CAST: variants seen among roughly 807,000 people sequenced by gnomAD.
CAST encodes MIR583 host.
A neutral mutation model predicts 119.6 loss-of-function variants in CAST; 76 were observed. The observed-to-expected ratio is 0.64, with a 90% CI of 0.53 to 0.77. The LOEUF (loss-of-function observed/expected upper bound fraction) is 0.77. CAST is among the 30% of genes least tolerant of loss of function. The probability of loss-of-function intolerance (pLI) is 0.00; values close to 1 mark genes in which losing one functional copy is unlikely to be tolerated. For missense variants in CAST, 953 were observed against 946.5 expected, an observed-to-expected ratio of 1.01 and a Z score of -0.09; for synonymous variants, 319 against 331.6, an observed-to-expected ratio of 0.96 and a Z score of 0.41.
At chr5:96,294,495 T>C in the CAST span, among the ~76,000 whole-genome samples, 1 of 152,234 alleles carries the variant, frequency 6.6e-6, no homozygotes, top group Non-Finnish European at 1.5e-5. Flanking sequence ...TCCAGGAAGT[T>C]GATTTGCTTT....
chr5:95,977,252 G>A, the CAST span, among the ~76,000 whole-genome samples: 1 of 152,162 alleles, frequency 6.6e-6, no homozygotes, highest in African/African-American at 2.4e-5. Context: ...GTTTGGTGAG[G>A]GCTTGTCCTA....
chr5:96,709,396 C>T (rs963288890), intron 3 of CAST, among the ~76,000 whole-genome samples: 1 of 152,230 alleles, frequency 6.6e-6, no homozygotes, highest in African/African-American at 2.4e-5. Flanking sequence ...CATTCTGTCT[C>T]AGCCTTGCTC....
At chr5:96,493,470 C>G in the CAST span, among the ~76,000 whole-genome samples, 1 of 152,144 alleles carries the variant, frequency 6.6e-6, no homozygotes, top group Non-Finnish European at 1.5e-5. Context: ...AATTGCAACT[C>G]CCCAGTTGGA....
At chr5:96,621,527 A>T (rs1561433125) in intron 1 of CAST, among the ~76,000 whole-genome samples, 1 of 152,254 alleles carries the variant, frequency 6.6e-6, no homozygotes, top group South Asian at 2.1e-4. Context: ...GGAGAGAGAG[A>T]GTGTGTGTGA....
At chr5:96,011,806 G>C in the CAST span, among the ~76,000 whole-genome samples, 4 of 152,118 alleles carry the variant, frequency 2.6e-5, no homozygotes, top group African/African-American at 4.8e-5. Flanking sequence ...TGCATCTTTA[G>C]CTGGTTGAAA....
the CAST span, among the ~76,000 whole-genome samples, chr5:96,218,825 G>A: frequency 3.9e-5 from 6 of 152,162 alleles, no homozygotes; most frequent in East Asian, 1.9e-4. Context: ...ACAGCAGGCC[G>A]GGAGAACACA....
the CAST span, among the ~76,000 whole-genome samples, chr5:96,380,697 G>A: frequency 6.6e-6 from 1 of 152,096 alleles, no homozygotes; most frequent in Non-Finnish European, 1.5e-5. Context: ...ACTACCATGA[G>A]GTTGATGGTT....
the CAST span, among the ~76,000 whole-genome samples, chr5:96,051,981 A>G: frequency 5.1e-4 from 78 of 152,178 alleles, no homozygotes; most frequent in Admixed American, 7.9e-4. Context: ...GAGAAGGAAC[A>G]ATAAACACCA....
chr5:96,101,579 C>T, the CAST span, among the ~76,000 whole-genome samples: 5 of 152,224 alleles, frequency 3.3e-5, no homozygotes, highest in African/African-American at 1.2e-4. Context: ...CTCCCACCAC[C>T]TGTACTATTG....
intron 1 of CAST, among the ~76,000 whole-genome samples, chr5:96,656,964 T>A (rs2150205960): frequency 6.6e-6 from 1 of 152,178 alleles, no homozygotes; most frequent in Non-Finnish European, 1.5e-5. Context: ...CACTGTGGCT[T>A]GCAGGCAATT....
intron 13 of CAST, 175 bp from the exon 14 acceptor site, chr5:96,741,087 TACTC>T (rs1762566431): frequency 5.0e-6 from 3 of 599,562 alleles, no homozygotes; most frequent in Middle Eastern, 4.5e-4. Flanking sequence ...TGGAAAATAA[TACTC>T]AATGAGTAGC....
chr5:96,682,002 A>G (rs1283258602), intron 2 of CAST, among the ~76,000 whole-genome samples: 1 of 152,174 alleles, frequency 6.6e-6, no homozygotes, highest in Non-Finnish European at 1.5e-5. Context: ...GTATTACAGT[A>G]TATTGCTATA....
chr5:96,004,983 A>C, the CAST span, among the ~76,000 whole-genome samples: 235 of 152,318 alleles, frequency 1.5e-3, no homozygotes, highest in African/African-American at 4.8e-3. Flanking sequence ...GGACATTGCA[A>C]CAGAAATATT....
At chr5:96,314,313 G>T in the CAST span, among the ~76,000 whole-genome samples, 1 of 152,226 alleles carries the variant, frequency 6.6e-6, no homozygotes. Context: ...CCTTGCTGAA[G>T]TTGGGCATCT....
At chr5:96,206,719 G>A in the CAST span, among the ~76,000 whole-genome samples, 1 of 152,218 alleles carries the variant, frequency 6.6e-6, no homozygotes, top group African/African-American at 2.4e-5. Context: ...TTGTGGTATA[G>A]TTTGAAGACA....
chr5:96,018,126 T>G, the CAST span, among the ~76,000 whole-genome samples: 2 of 152,232 alleles, frequency 1.3e-5, no homozygotes, highest in Non-Finnish European at 2.9e-5. Context: ...GGAATACTCC[T>G]GTACATTGAC....
At chr5:96,100,937 T>A in the CAST span, among the ~76,000 whole-genome samples, 2 of 152,166 alleles carry the variant, frequency 1.3e-5, no homozygotes, top group Non-Finnish European at 2.9e-5. Flanking sequence ...TATATATGTA[T>A]TTTAAGAGAC....
chr5:96,221,796 T>C, the CAST span, among the ~76,000 whole-genome samples: 2 of 150,072 alleles, frequency 1.3e-5, no homozygotes. Context: ...GCCAGAAGAG[T>C]CAAAGGAATC....
chr5:96,408,364 G>A, the CAST span: 19 of 1,412,070 alleles, frequency 1.3e-5, no homozygotes, highest in South Asian at 5.8e-5. Context: ...GGGAGAACAC[G>A]TGAGGAGTGT....
Sources: gnomAD v4.1 joint callset for allele counts (sites outside exome capture counted in the v4.1 genomes callset) on GRCh38, gnomAD v4.1.1 for gene constraint, MANE v1.5 for transcripts, NCBI Gene and HGNC (gene_info 2026-07-23, HGNC 2026-07-21) for gene names.